The following SPATA6L variants were observed in gnomAD, a reference collection of about 807,000 sequenced individuals.
The protein encoded by SPATA6L is spermatogenesis associated 6 like, also known as spermatogenesis associated 6-like protein.
A neutral mutation model predicts 49.2 loss-of-function variants in SPATA6L; 68 were observed. That is an observed-to-expected ratio of 1.38 (90% confidence interval 1.14 to 1.69). SPATA6L has a LOEUF of 1.69. SPATA6L is among the 40% of genes most tolerant of loss of function. The probability of loss-of-function intolerance (pLI) is 0.00; values close to 1 mark genes in which losing one functional copy is unlikely to be tolerated. For missense variants in SPATA6L, 668 were observed against 464.3 expected, an observed-to-expected ratio of 1.44 and a Z score of -4.03; for synonymous variants, 198 against 165.7, an observed-to-expected ratio of 1.19 and a Z score of -1.50.
At chr9:4,596,042 A>T (rs147882702), downstream of SPATA6L, among the ~76,000 whole-genome samples, 16 of 152,300 alleles carry the variant, frequency 1.1e-4, no homozygotes, top group African/African-American at 3.9e-4. Flanking sequence ...TTTCAAACTC[A>T]ACTGCTTCTG....
chr9:4,603,697 AAAATATAAT>A (rs1381262208), intron 11 of SPATA6L, among the ~76,000 whole-genome samples: 1 of 152,212 alleles, frequency 6.6e-6, no homozygotes, highest in African/African-American at 2.4e-5. Flanking sequence ...AGCCCAGATA[AAAATATAAT>A]AAGAAATTGT....
chr9:4,609,438 T>G (rs1410550431), intron 9 of SPATA6L, among the ~76,000 whole-genome samples: 2 of 152,184 alleles, frequency 1.3e-5, no homozygotes, highest in South Asian at 2.1e-4. Context: ...ATCAAAAAGC[T>G]TAACCACCAT....
intron 4 of SPATA6L, among the ~76,000 whole-genome samples, chr9:4,631,298 T>A (rs1356303203): frequency 6.6e-6 from 1 of 152,058 alleles, no homozygotes; most frequent in East Asian, 1.9e-4. Flanking sequence ...ACACAATACA[T>A]AAATAAAAAT....
chr9:4,649,293 G>A (rs1055655621), intron 3 of SPATA6L, among the ~76,000 whole-genome samples: 3 of 152,134 alleles, frequency 2.0e-5, no homozygotes, highest in Non-Finnish European at 4.4e-5. Context: ...AGTTCTTTAA[G>A]GAATCTCTAC....
chr9:4,660,634 G>A (rs1485730243), intron 2 of SPATA6L, among the ~76,000 whole-genome samples: 2 of 152,192 alleles, frequency 1.3e-5, no homozygotes, highest in Admixed American at 6.5e-5. Flanking sequence ...GATTCCTCAA[G>A]GATCTAGAAC....
chr9:4,623,794 T>A (rs896372808), intron 6 of SPATA6L, among the ~76,000 whole-genome samples: 1 of 152,252 alleles, frequency 6.6e-6, no homozygotes, highest in Admixed American at 6.5e-5. Flanking sequence ...AGTTGTATTT[T>A]ACAATAATTT....
chr9:4,630,118 G>A (rs1831223769), intron 4 of SPATA6L, among the ~76,000 whole-genome samples: 1 of 151,984 alleles, frequency 6.6e-6, no homozygotes, highest in Non-Finnish European at 1.5e-5. Flanking sequence ...TATGGTGATA[G>A]AGAAAAGACT....
chr9:4,636,646 G>A (rs972593832), intron 3 of SPATA6L, among the ~76,000 whole-genome samples: 1 of 152,124 alleles, frequency 6.6e-6, no homozygotes, highest in African/African-American at 2.4e-5. Context: ...TCTGATGAGG[G>A]TTGCTTTGTT....
downstream of SPATA6L, among the ~76,000 whole-genome samples, chr9:4,593,408 T>C (rs1015434015): frequency 6.6e-6 from 1 of 152,120 alleles, no homozygotes; most frequent in Non-Finnish European, 1.5e-5. Context: ...ATCCCTCCCT[T>C]ATATCACCTT....
chr9:4,663,940 T>G (rs952465271), intron 1 of SPATA6L: 1 of 167,110 alleles, frequency 6.0e-6, no homozygotes, highest in East Asian at 1.9e-4. Context: ...CCTCCATCCC[T>G]CAAAAGATCT....
chr9:4,593,335 G>C (rs150013283), downstream of SPATA6L, among the ~76,000 whole-genome samples: 46 of 152,174 alleles, frequency 3.0e-4, no homozygotes, highest in African/African-American at 1.1e-3. Context: ...AATATGTCTA[G>C]ATTATCTCCC....
intron 9 of SPATA6L, among the ~76,000 whole-genome samples, chr9:4,607,359 G>A (rs1305263855): frequency 1.3e-5 from 2 of 152,148 alleles, no homozygotes; most frequent in African/African-American, 2.4e-5. Context: ...CACCAAAGTT[G>A]AAATGAAGGA....
rs568240711 is a variant in SPATA6L at position 4,622,095 on chromosome 9, T to C, written c.772+313A>G. On this transcript the variant is annotated intron_variant, in intron 7 of 11. Coordinates refer to ENST00000682582, the MANE Select transcript of SPATA6L (RefSeq NM_001353486.2). ...ATTTGTTAGGCATCAATGGTGACTT[T>C]GCAAGGGGTTCACAGCAGGACAAGT... is the stretch of plus-strand genomic sequence containing the variant. 1.1e-4 allele frequency among the ~76,000 whole-genome samples: 17 copies of C among 152,304 alleles called. No homozygotes were observed. The South Asian group carries it at 3.3e-3, about 30-fold the overall frequency.
chr9:4,590,899 A>T (rs1261257335), intron 13 of SPATA6L, among the ~76,000 whole-genome samples: 3 of 152,072 alleles, frequency 2.0e-5, no homozygotes, highest in Non-Finnish European at 4.4e-5. Flanking sequence ...TTCCTCCATA[A>T]CTCAGGAAAG....
At position 4,599,673 on chromosome 9, in the gene SPATA6L, C is replaced by G. The variant is rs1210657074; in HGVS notation, c.*1138G>C. Among the ~76,000 whole-genome samples, 5 of 152,200 alleles carry G rather than the reference C, an allele frequency of 3.3e-5. No homozygotes were observed. Among genetic ancestry groups the G allele is most frequent in the Non-Finnish European group, 7.3e-5 (5 of 68,036 alleles). ...GTCAGAGATGGCGCCTTCTCGCTGT[C>G]TCCTCGCCAGTGGAAGGGGCAAACG... On this transcript the variant is annotated 3_prime_UTR_variant, in exon 12 of 12. Coordinates refer to ENST00000682582, the MANE Select transcript of SPATA6L (RefSeq NM_001353486.2).
chr9:4,589,824 G>T (rs2129930730), intron 13 of SPATA6L, among the ~76,000 whole-genome samples: 1 of 152,320 alleles, frequency 6.6e-6, no homozygotes, highest in Middle Eastern at 3.4e-3. Flanking sequence ...AATATACCCT[G>T]TGGGAGGAAG....
intron 3 of SPATA6L, among the ~76,000 whole-genome samples, chr9:4,637,993 T>C (rs79865142): frequency 1.3e-5 from 2 of 152,174 alleles, no homozygotes; most frequent in Admixed American, 1.3e-4. Context: ...ACTTCATTCA[T>C]TGAGAACCTC....
chr9:4,626,509 C>T (rs1830383202), intron 5 of SPATA6L: 2 of 1,304,224 alleles, frequency 1.5e-6, no homozygotes, highest in Non-Finnish European at 2.0e-6. Flanking sequence ...CTTCTTTAAG[C>T]TTCTGTGTTC....
At chr9:4,636,642 G>C (rs1832862006) in intron 3 of SPATA6L, among the ~76,000 whole-genome samples, 1 of 152,180 alleles carries the variant, frequency 6.6e-6, no homozygotes, top group Non-Finnish European at 1.5e-5. Flanking sequence ...GAATTCTGAT[G>C]AGGGTTGCTT....
Sources: allele counts gnomAD v4.1 joint callset (sites outside exome capture counted in the v4.1 genomes callset), GRCh38; gene constraint gnomAD v4.1.1; transcripts MANE v1.5; gene names NCBI Gene and HGNC (gene_info 2026-07-23, HGNC 2026-07-21).